The following SEMA6D variants were observed in gnomAD, a reference collection of about 807,000 sequenced individuals.
The protein encoded by SEMA6D is semaphorin 6D.
Under a neutral mutation model 106.6 loss-of-function variants are expected in SEMA6D, and 35 were observed. The ratio of observed to expected loss-of-function variants is 0.33; its 90% CI spans 0.25 to 0.44. SEMA6D has a LOEUF of 0.44. SEMA6D is among the 20% of genes least tolerant of loss of function. The pLI is 1.00. For synonymous variants in SEMA6D, 499 were observed against 487.7 expected, an observed-to-expected ratio of 1.02 and a Z score of -0.31; for missense variants, 1,185 against 1,345.9, an observed-to-expected ratio of 0.88 and a Z score of 1.87.
intron 2 of SEMA6D, among the ~76,000 whole-genome samples, chr15:47,448,273 A>G (rs72733836): frequency 1.4e-3 from 207 of 152,246 alleles, no homozygotes; most frequent in Non-Finnish European, 2.2e-3. Flanking sequence ...CTGTGTGACA[A>G]TGAAATGGAG....
chr15:47,338,696 T>G (rs2037676594), intron 1 of SEMA6D, among the ~76,000 whole-genome samples: 1 of 152,158 alleles, frequency 6.6e-6, no homozygotes, highest in Non-Finnish European at 1.5e-5. Context: ...GAGTTGTATA[T>G]TCTTTTGATG....
intron 4 of SEMA6D, among the ~76,000 whole-genome samples, chr15:47,652,236 T>G (rs1444891626): frequency 6.6e-6 from 1 of 152,142 alleles, no homozygotes; most frequent in Non-Finnish European, 1.5e-5. Flanking sequence ...TATAGAAATA[T>G]GAGAGACAAA....
intron 4 of SEMA6D, among the ~76,000 whole-genome samples, chr15:47,601,892 A>T (rs567189783): frequency 6.0e-4 from 91 of 152,312 alleles, no homozygotes; most frequent in African/African-American, 2.2e-3. Flanking sequence ...GTTTCAGATC[A>T]TAGAAAAAGT....
At chr15:47,762,370 AG>A (rs2082106720) in intron 8 of SEMA6D, 51 bp downstream of exon 8, 2 of 1,600,338 alleles carry the variant, frequency 1.2e-6, no homozygotes, top group African/African-American at 2.7e-5. Context: ...GGATGGCCCA[AG>A]TGGGGACAGC....
intron 4 of SEMA6D, among the ~76,000 whole-genome samples, chr15:47,709,897 C>T: frequency 6.8e-6 from 1 of 147,774 alleles, no homozygotes; most frequent in East Asian, 2.0e-4. Context: ...AAAAAAAAGT[C>T]AAAAGCAAGC....
intron 1 of SEMA6D, among the ~76,000 whole-genome samples, chr15:47,313,551 C>T (rs768424222): frequency 8.5e-5 from 13 of 152,054 alleles, no homozygotes; most frequent in Non-Finnish European, 1.3e-4. Context: ...CAAGTTTTAG[C>T]AATTATGTTT....
rs143878075 is a variant in SEMA6D at position 47,717,646 on chromosome 15, CT to C, written c.-91del. ...TTCTTTCTTCCTTGCGCGTGGCAAGCTTTTTTTTTTCTTTTTCTTTTTTCTT... is the reference window on the plus strand; with the variant it reads ...TTCTTTCTTCCTTGCGCGTGGCAAGCTTTTTTTTTCTTTTTCTTTTTTCTT... On this transcript the variant is annotated 5_prime_UTR_variant, in exon 1 of 19. Transcript: ENST00000536845. 29,958 of 149,574 alleles carry C rather than the reference CT, an allele frequency of 0.2. 3,468 individuals carry two copies. The highest frequency in any genetic ancestry group is 0.26 in the Middle Eastern group (76 of 292). The allele number at this position is 149,574 out of a possible 1,614,324, so 9.3% of individuals were successfully genotyped here. A position where few individuals can be genotyped will look rare whatever the true frequency, so the allele number is the denominator to read the frequency against.
intron 3 of SEMA6D, among the ~76,000 whole-genome samples, chr15:47,489,136 G>A (rs1463703332): frequency 6.6e-6 from 1 of 152,146 alleles, no homozygotes; most frequent in Admixed American, 6.5e-5. Context: ...AAATAGAGGA[G>A]ACAGCCAGAG....
At chr15:47,762,964 T>C (rs1388122757) in intron 8 of SEMA6D, 52 bp from the exon 9 acceptor site, 11 of 1,383,762 alleles carry the variant, frequency 7.9e-6, no homozygotes, top group African/African-American at 1.4e-5. Context: ...CGGGGTCTTA[T>C]GCTAATTGAA....
At chr15:47,283,086 T>C (rs2142575352) in intron 1 of SEMA6D, among the ~76,000 whole-genome samples, 1 of 152,290 alleles carries the variant, frequency 6.6e-6, no homozygotes, top group East Asian at 1.9e-4. Context: ...AAGGCCAGAC[T>C]GTTGGAAAGC....
intron 2 of SEMA6D, among the ~76,000 whole-genome samples, chr15:47,438,697 A>G (rs900601037): frequency 4.6e-5 from 7 of 151,446 alleles, no homozygotes; most frequent in Non-Finnish European, 8.8e-5. Context: ...TATCACCCTA[A>G]TGGGCCTGCC....
chr15:47,322,901 T>G (rs2036977405), intron 1 of SEMA6D, among the ~76,000 whole-genome samples: 1 of 152,186 alleles, frequency 6.6e-6, no homozygotes, highest in Non-Finnish European at 1.5e-5. Context: ...AAAGTCTAAT[T>G]AAAAGTTGAT....
chr15:47,544,657 C>T (rs1038410061), intron 3 of SEMA6D, among the ~76,000 whole-genome samples: 10 of 151,886 alleles, frequency 6.6e-5, no homozygotes, highest in Non-Finnish European at 1.3e-4. Flanking sequence ...AGAAAGGAAT[C>T]AGGAAACCTT....
chr15:47,624,878 T>G (rs8036816), intron 4 of SEMA6D, among the ~76,000 whole-genome samples: 43,398 of 152,114 alleles, frequency 0.29, 7,208 homozygotes, highest in East Asian at 0.45. Context: ...ATATATTTTG[T>G]CAAATTAGTG....
chr15:47,479,031 T>C (rs187485258), intron 3 of SEMA6D, among the ~76,000 whole-genome samples: 5 of 152,092 alleles, frequency 3.3e-5, no homozygotes, highest in Non-Finnish European at 7.4e-5. Context: ...ACCTGGTCCC[T>C]CCAATGACAC....
intron 1 of SEMA6D, among the ~76,000 whole-genome samples, chr15:47,287,119 A>C (rs574390746): frequency 1.3e-5 from 2 of 152,276 alleles, no homozygotes; most frequent in African/African-American, 4.8e-5. Flanking sequence ...ATGAAAACTC[A>C]TATGTCTGTC....
intron 4 of SEMA6D, among the ~76,000 whole-genome samples, chr15:47,668,007 T>C (rs2078061887): frequency 1.3e-5 from 2 of 152,218 alleles, no homozygotes; most frequent in Admixed American, 6.5e-5. Context: ...ATATATACTA[T>C]TATTACATGA....
chr15:47,552,858 ATATATATTTT>A (rs1267572759), intron 3 of SEMA6D, among the ~76,000 whole-genome samples: 14 of 74,844 alleles, frequency 1.9e-4, no homozygotes, highest in African/African-American at 9.9e-4. Flanking sequence ...ATATAAATAT[ATATATATTTT>A]TATATATATA....
At chr15:47,217,595 T>TG (rs1387049113) in intron 1 of SEMA6D, among the ~76,000 whole-genome samples, 83 of 107,506 alleles carry the variant, frequency 7.7e-4, no homozygotes, top group Non-Finnish European at 1.3e-3. Flanking sequence ...GTGTGTGTGT[T>TG]TAATCCTCTG....
Sources: gnomAD v4.1 joint callset for allele counts (sites outside exome capture counted in the v4.1 genomes callset) on GRCh38, gnomAD v4.1.1 for gene constraint, MANE v1.5 for transcripts, NCBI Gene and HGNC (gene_info 2026-07-23, HGNC 2026-07-21) for gene names.